The following ATRN variants were observed in gnomAD, a reference collection of about 807,000 sequenced individuals.
ATRN encodes the protein attractin, also known as attractin-2.
Under a neutral mutation model 178.7 loss-of-function variants are expected in ATRN, and 54 were observed. That is an observed-to-expected ratio of 0.30 (90% CI 0.24 to 0.38). The LOEUF (loss-of-function observed/expected upper bound fraction) is 0.38. Among genes scored for constraint, ATRN ranks in the 10% least tolerant of loss-of-function variants. The pLI is 1.00. For missense variants in ATRN, 1,443 were observed against 1,815.1 expected (o/e 0.79, Z 3.73); for synonymous variants, 636 against 663.0 (o/e 0.96, Z 0.63).
intron 3 of ATRN, among the ~76,000 whole-genome samples, chr20:3,543,818 A>G (rs2085660246): frequency 6.6e-6 from 1 of 152,092 alleles, no homozygotes; most frequent in Non-Finnish European, 1.5e-5. Context: ...GAATTACTTG[A>G]TCCCAGGAGT....
intron 6 of ATRN, among the ~76,000 whole-genome samples, chr20:3,557,472 C>T (rs1362068925): frequency 6.6e-6 from 1 of 152,198 alleles, no homozygotes; most frequent in African/African-American, 2.4e-5. Context: ...TGCTGTAAAG[C>T]TGGCAGGCAG....
intron 3 of ATRN, among the ~76,000 whole-genome samples, chr20:3,545,142 G>T (rs1047060164): frequency 9.2e-5 from 14 of 151,904 alleles, no homozygotes; most frequent in Non-Finnish European, 4.4e-5. Context: ...CGAGGTGGGT[G>T]GATCACCTGA....
intron 10 of ATRN, among the ~76,000 whole-genome samples, chr20:3,563,640 A>G (rs768542342): frequency 5.3e-5 from 8 of 152,176 alleles, no homozygotes; most frequent in African/African-American, 1.9e-4. Flanking sequence ...TGTTATGCCT[A>G]CCTGGTAGTG....
In ATRN at chr20:3,472,070, G is replaced by T. The variant is rs557163710; in HGVS notation, c.410+553G>T. ...AGTGGTCCTTCTAAAGGAAAGTGAGGAAACTAGCCTTTTGGCAAAAGCTCC... is the reference window on the plus strand; with the variant it reads ...AGTGGTCCTTCTAAAGGAAAGTGAGTAAACTAGCCTTTTGGCAAAAGCTCC... On this transcript the variant is annotated intron_variant, in intron 1 of 28. Transcript: ENST00000262919. Among the ~76,000 whole-genome samples the T allele has an allele frequency of 7.9e-5, 12 of 152,318 alleles. No individual in the cohort carries two copies. The South Asian group carries it at 2.5e-3, about 32-fold the overall frequency.
At chr20:3,609,074 T>C (rs1181612411) in intron 24 of ATRN, among the ~76,000 whole-genome samples, 1 of 152,146 alleles carries the variant, frequency 6.6e-6, no homozygotes, top group East Asian at 1.9e-4. Flanking sequence ...AAGAATGTCA[T>C]TGGTGTAGAG....
At chr20:3,597,158 A>T (rs1173443574) in intron 21 of ATRN, among the ~76,000 whole-genome samples, 2 of 150,846 alleles carry the variant, frequency 1.3e-5, no homozygotes, top group Non-Finnish European at 2.9e-5. Context: ...AGCATAATTC[A>T]TAAATAAAAA....
chr20:3,526,278 G>A (rs913892172), intron 1 of ATRN, among the ~76,000 whole-genome samples: 1 of 152,068 alleles, frequency 6.6e-6, no homozygotes, highest in Non-Finnish European at 1.5e-5. Flanking sequence ...AAAATTACAA[G>A]CACTCCTATA....
chr20:3,510,364 A>G (rs942245150), intron 1 of ATRN, among the ~76,000 whole-genome samples: 4 of 152,238 alleles, frequency 2.6e-5, no homozygotes, highest in African/African-American at 4.8e-5. Context: ...CTGCTGTTGT[A>G]GAGAGAAGCA....
In ATRN at chr20:3,560,071, G is replaced by A. The variant is rs946192582; in HGVS notation, c.1203+588G>A. On this transcript the variant is annotated intron_variant, in intron 7 of 28. Transcript: ENST00000262919. ...TGAGGTAAAATATACGTATATAATG[G>A]TACCATCTTTACCATTTTTAAGTGT... Among the ~76,000 whole-genome samples, 3 of 150,982 alleles carry A rather than the reference G, an allele frequency of 2.0e-5. No individual in the cohort carries two copies. The East Asian group carries it at 5.8e-4, about 29-fold the overall frequency.
intron 24 of ATRN, among the ~76,000 whole-genome samples, chr20:3,608,493 C>T (rs1367638697): frequency 1.3e-5 from 2 of 152,124 alleles, no homozygotes; most frequent in Non-Finnish European, 2.9e-5. Context: ...ATTCTTGACT[C>T]CATTATTGAA....
intron 27 of ATRN, among the ~76,000 whole-genome samples, chr20:3,639,795 G>C (rs1475573910): frequency 6.6e-6 from 1 of 151,988 alleles, no homozygotes; most frequent in African/African-American, 2.4e-5. Flanking sequence ...AAATCTCCAG[G>C]GAATACTCTC....
intron 1 of ATRN, among the ~76,000 whole-genome samples, chr20:3,504,982 A>G (rs915981349): frequency 3.3e-5 from 5 of 152,138 alleles, no homozygotes; most frequent in Admixed American, 3.3e-4. Flanking sequence ...AGATAAACTC[A>G]AAAACAATAT....
At chr20:3,602,278 C>T (rs1018239411) in intron 23 of ATRN, among the ~76,000 whole-genome samples, 4 of 151,216 alleles carry the variant, frequency 2.6e-5, no homozygotes, top group African/African-American at 4.9e-5. Flanking sequence ...TGCTGTGAGC[C>T]GAGATCACGC....
intron 25 of ATRN, among the ~76,000 whole-genome samples, chr20:3,628,572 C>T (rs76298516): frequency 0.032 from 4,903 of 152,258 alleles, 110 homozygotes; most frequent in Non-Finnish European, 0.049. Flanking sequence ...AGTGTATCCA[C>T]GCCCCTATGC....
intron 6 of ATRN, among the ~76,000 whole-genome samples, chr20:3,558,847 C>T (rs1009394679): frequency 1.2e-4 from 19 of 152,002 alleles, no homozygotes; most frequent in African/African-American, 4.6e-4. Context: ...AATTGCATGG[C>T]AGGATTATAA....
At chr20:3,513,592 G>C (rs1235031861) in intron 1 of ATRN, among the ~76,000 whole-genome samples, 1 of 152,106 alleles carries the variant, frequency 6.6e-6, no homozygotes, top group African/African-American at 2.4e-5. Context: ...GGCGATGTGG[G>C]CTCTTTTTTG....
chr20:3,562,777 G>T (rs2085973782), intron 9 of ATRN, among the ~76,000 whole-genome samples: 1 of 152,144 alleles, frequency 6.6e-6, no homozygotes. Flanking sequence ...TTGATACCTT[G>T]CTATGGGTAC....
chr20:3,563,112 T>C (rs2085977785), intron 9 of ATRN, 97 bp from the exon 10 acceptor site: 1 of 1,090,980 alleles, frequency 9.2e-7, no homozygotes, highest in Non-Finnish European at 1.3e-6. Context: ...TACATTTGGG[T>C]CTGAGGTTAA....
At position 3,633,000 on chromosome 20, in the gene ATRN, C is replaced by T. The variant is rs1423762791; in HGVS notation, c.3864-1311C>T. On this transcript the variant is annotated intron_variant, in intron 25 of 28. Transcript: ENST00000262919. The surrounding 1 kb of genome is among the most constrained non-coding windows in gnomAD (Gnocchi z 4.2). ...CAAAAATTAGCTGGGTGTGATGGCGCACACCTGTAGTCCAAGCTACTCAGG... is the reference window on the plus strand; with the variant it reads ...CAAAAATTAGCTGGGTGTGATGGCGTACACCTGTAGTCCAAGCTACTCAGG... Among the ~76,000 whole-genome samples the T allele has an allele frequency of 6.6e-6, 1 of 152,166 alleles. No homozygotes were observed. Among genetic ancestry groups the T allele is most frequent in the African/African-American group, 2.4e-5 (1 of 41,434 alleles).
Sources: gnomAD v4.1 joint callset for allele counts (sites outside exome capture counted in the v4.1 genomes callset) on GRCh38, gnomAD v4.1.1 for gene constraint, Gnocchi (gnomAD v3.1) non-coding constraint, MANE v1.5 for transcripts, NCBI Gene and HGNC (gene_info 2026-07-23, HGNC 2026-07-21) for gene names.